The following ATXN2 variants were observed in gnomAD, a reference collection of about 807,000 sequenced individuals.
ATXN2 encodes the protein ataxin 2, also known as ataxin-2.
A neutral mutation model predicts 138.6 loss-of-function variants in ATXN2; 37 were observed. That is an observed-to-expected ratio of 0.27 (90% CI 0.21 to 0.35). The LOEUF is 0.35. ATXN2 is among the 10% of genes least tolerant of loss of function. The pLI is 1.00. For missense variants in ATXN2, 1,216 were observed against 1,480.3 expected, an observed-to-expected ratio of 0.82 and a Z score of 2.93; for synonymous variants, 549 against 543.7, an observed-to-expected ratio of 1.01 and a Z score of -0.13.
chr12:111,467,209 G>GAT (rs1296923828), intron 20 of ATXN2, among the ~76,000 whole-genome samples: 1 of 147,884 alleles, frequency 6.8e-6, no homozygotes, highest in African/African-American at 2.5e-5. Flanking sequence ...GTGGTGCCAT[G>GAT]ATAGCTCACT....
At chr12:111,528,297 A>G (rs1406332641) in intron 5 of ATXN2, among the ~76,000 whole-genome samples, 1 of 152,170 alleles carries the variant, frequency 6.6e-6, no homozygotes, top group Admixed American at 6.6e-5. Flanking sequence ...AAATATTTAG[A>G]AAGTCTTGAG....
At chr12:111,470,523 T>A in intron 19 of ATXN2, 35 bp downstream of exon 19, 1 of 1,600,702 alleles carries the variant, frequency 6.2e-7, no homozygotes, top group South Asian at 1.1e-5. Flanking sequence ...TTTTATATGG[T>A]ACAAAAATTA....
At position 111,563,758 on chromosome 12, in the gene ATXN2, G is replaced by A. The variant is rs1015291554; in HGVS notation, c.252-7839C>T. On this transcript the variant is annotated intron_variant, in intron 1 of 24. Coordinates refer to ENST00000673436, the MANE Select transcript of ATXN2 (RefSeq NM_001372574.1). The stretch of plus-strand genomic sequence containing the variant: ...TTGGAGACTATAAGTGATGTGATTT[G>A]TTAACTCTATTTAATGCATTGTCCA... Among the ~76,000 whole-genome samples the A allele has an allele frequency of 2.0e-5, 3 of 152,102 alleles. No individual in the cohort carries two copies. The South Asian group carries it at 6.2e-4, about 31-fold the overall frequency.
At chr12:111,528,475 C>T (rs1465172011) in intron 5 of ATXN2, among the ~76,000 whole-genome samples, 1 of 152,126 alleles carries the variant, frequency 6.6e-6, no homozygotes, top group Non-Finnish European at 1.5e-5. Context: ...ATTCCACTGA[C>T]CAGAATTTAG....
chr12:111,491,058 C>G (rs1401598136), intron 14 of ATXN2, among the ~76,000 whole-genome samples: 1 of 152,048 alleles, frequency 6.6e-6, no homozygotes, highest in Non-Finnish European at 1.5e-5. Flanking sequence ...TCAAGACCAG[C>G]CTGACCAACA....
chr12:111,485,238 A>G, intron 18 of ATXN2, 27 bp downstream of exon 18: 3 of 1,593,560 alleles, frequency 1.9e-6, no homozygotes, highest in Non-Finnish European at 2.6e-6. Context: ...GCAAACTACA[A>G]GCAAACACAG....
At chr12:111,546,818 C>T (rs185504021) in intron 5 of ATXN2, among the ~76,000 whole-genome samples, 2 of 152,250 alleles carry the variant, frequency 1.3e-5, no homozygotes, top group Admixed American at 6.5e-5. Flanking sequence ...TCTGTCTGCA[C>T]TGGAATTCAA....
rs74783709 is a variant in ATXN2, at chr12:111,595,188, C to A, written c.251+3596G>T. On this transcript the variant is annotated intron_variant, in intron 1 of 24. Coordinates refer to ENST00000673436, the MANE Select transcript of ATXN2 (RefSeq NM_001372574.1). ...ATAATAGAGCACCGCTAGCAAGAGC[C>A]ATAAAAATCCTGAAGCCCTCTGAAC... Among the ~76,000 whole-genome samples the A allele has an allele frequency of 1.1e-4, 16 of 152,224 alleles. 1 individual carries two copies. The East Asian group carries it at 3.1e-3, about 29-fold the overall frequency.
At chr12:111,524,282 T>C (rs1242576501) in intron 6 of ATXN2, among the ~76,000 whole-genome samples, 1 of 152,224 alleles carries the variant, frequency 6.6e-6, no homozygotes, top group Non-Finnish European at 1.5e-5. Flanking sequence ...AGAGTGTCAT[T>C]ATTAAGCTGT....
chr12:111,526,804 A>G (rs1880533276), intron 5 of ATXN2, among the ~76,000 whole-genome samples: 1 of 152,176 alleles, frequency 6.6e-6, no homozygotes, highest in South Asian at 2.1e-4. Flanking sequence ...TTCCATATTC[A>G]TGTCTATGTA....
At chr12:111,476,461 A>T (rs577750883) in intron 18 of ATXN2, among the ~76,000 whole-genome samples, 1 of 143,870 alleles carries the variant, frequency 7.0e-6, no homozygotes, top group Admixed American at 7.0e-5. Flanking sequence ...ACAATAAGAC[A>T]AAAAAAAAAA....
intron 10 of ATXN2, among the ~76,000 whole-genome samples, chr12:111,515,714 T>C (rs1879816001): frequency 6.6e-6 from 1 of 152,146 alleles, no homozygotes; most frequent in Admixed American, 6.6e-5. Context: ...GGGCTGTCGC[T>C]CTCAAAAAAG....
intron 1 of ATXN2, among the ~76,000 whole-genome samples, chr12:111,574,165 G>A (rs946351142): frequency 1.7e-4 from 26 of 151,318 alleles, no homozygotes; most frequent in African/African-American, 5.8e-4. Context: ...AAAATTAGCC[G>A]GGCGTGGTGG....
chr12:111,553,954 C>T (rs1019227195), intron 3 of ATXN2, among the ~76,000 whole-genome samples: 4 of 151,966 alleles, frequency 2.6e-5, no homozygotes, highest in Admixed American at 6.6e-5. Flanking sequence ...ATATGGAACC[C>T]ACAGATGCAG....
At chr12:111,470,836 C>A in intron 18 of ATXN2, 94 bp from the exon 19 acceptor site, 1 of 1,351,632 alleles carries the variant, frequency 7.4e-7, no homozygotes, top group South Asian at 1.3e-5. Flanking sequence ...TGATTTGACC[C>A]TGAATCTGCG....
At chr12:111,581,898 C>A in intron 1 of ATXN2, 1 of 235,186 alleles carries the variant, frequency 4.3e-6, no homozygotes, top group Middle Eastern at 4.3e-4. Flanking sequence ...CGTTTATCCT[C>A]ACACACTTTT....
chr12:111,499,309 A>G (rs953863736), intron 14 of ATXN2, among the ~76,000 whole-genome samples: 1 of 152,226 alleles, frequency 6.6e-6, no homozygotes, highest in African/African-American at 2.4e-5. Flanking sequence ...CTGACAAGGG[A>G]TCAATAACCA....
At chr12:111,472,706 C>T (rs1876499349) in intron 18 of ATXN2, among the ~76,000 whole-genome samples, 1 of 152,104 alleles carries the variant, frequency 6.6e-6, no homozygotes. Context: ...GTAGCTGGGA[C>T]TACAGGTGCA....
At chr12:111,491,503 G>A (rs1269395762) in intron 14 of ATXN2, among the ~76,000 whole-genome samples, 4 of 152,108 alleles carry the variant, frequency 2.6e-5, no homozygotes, top group Non-Finnish European at 5.9e-5. Flanking sequence ...TCACAGCTCT[G>A]GGAGGAGAGG....
Sources: allele counts gnomAD v4.1 joint callset (sites outside exome capture counted in the v4.1 genomes callset), GRCh38; gene constraint gnomAD v4.1.1; transcripts MANE v1.5; gene names NCBI Gene and HGNC (gene_info 2026-07-23, HGNC 2026-07-21).